The following DOCK1 variants were observed in gnomAD, a reference collection of about 807,000 sequenced individuals.
DOCK1 encodes the protein dedicator of cytokinesis protein 1.
DOCK1 carries 138 observed loss-of-function variants against 262.7 expected under a neutral mutation model. That is an observed-to-expected ratio of 0.53 (90% CI 0.46 to 0.61). DOCK1 has a LOEUF of 0.61. DOCK1 is among the 20% of genes least tolerant of loss of function. The pLI is 0.00. For missense variants in DOCK1, 1,908 were observed against 2,370.7 expected (o/e 0.80, Z 4.05); for synonymous variants, 866 against 867.4 (o/e 1.00, Z 0.03).
At chr10:127,261,350 C>T (rs1349508659) in intron 29 of DOCK1, among the ~76,000 whole-genome samples, 5 of 85,658 alleles carry the variant, frequency 5.8e-5, no homozygotes, top group African/African-American at 2.0e-4. Flanking sequence ...TGTGTGTACC[C>T]GTGCTCATCT....
chr10:127,405,015 T>C (rs2067438185), intron 40 of DOCK1, among the ~76,000 whole-genome samples: 1 of 152,232 alleles, frequency 6.6e-6, no homozygotes, highest in African/African-American at 2.4e-5. Context: ...GGTTGTAGCA[T>C]GTGTCAGAAC....
chr10:127,019,733 A>AT (rs1461128112), intron 13 of DOCK1, among the ~76,000 whole-genome samples: 2 of 152,198 alleles, frequency 1.3e-5, no homozygotes, highest in Non-Finnish European at 2.9e-5. Flanking sequence ...TGGGCGACAG[A>AT]TTGAGACCCT....
intron 27 of DOCK1, among the ~76,000 whole-genome samples, chr10:127,196,888 C>T (rs983571979): frequency 1.3e-5 from 2 of 151,466 alleles, no homozygotes; most frequent in Non-Finnish European, 2.9e-5. Context: ...GAGCAGCTGG[C>T]GGGCGGGGGA....
chr10:127,449,738 A>G (rs1449092727), intron 51 of DOCK1, among the ~76,000 whole-genome samples: 2 of 152,170 alleles, frequency 1.3e-5, no homozygotes, highest in Admixed American at 6.5e-5. Context: ...TCCATCTGCC[A>G]TGATGGGGGT....
At chr10:127,069,415 T>A (rs1316154386) in intron 23 of DOCK1, among the ~76,000 whole-genome samples, 1 of 152,180 alleles carries the variant, frequency 6.6e-6, no homozygotes, top group African/African-American at 2.4e-5. Context: ...AATGAGATGT[T>A]GGCACCGTCA....
At chr10:127,331,484 G>T (rs1183802350) in intron 29 of DOCK1, among the ~76,000 whole-genome samples, 1 of 152,118 alleles carries the variant, frequency 6.6e-6, no homozygotes, top group East Asian at 1.9e-4. Context: ...GTTTCACCAT[G>T]TTGGCCAGAT....
At chr10:127,375,150 C>T (rs1010903765) in intron 35 of DOCK1, among the ~76,000 whole-genome samples, 13 of 152,222 alleles carry the variant, frequency 8.5e-5, no homozygotes, top group African/African-American at 3.1e-4. Flanking sequence ...TCCATTAGTA[C>T]CAATGAGCTT....
At chr10:127,293,768 G>C (rs1000351380) in intron 29 of DOCK1, among the ~76,000 whole-genome samples, 1 of 152,192 alleles carries the variant, frequency 6.6e-6, no homozygotes, top group African/African-American at 2.4e-5. Flanking sequence ...ACGTGTTGGT[G>C]GCACCCACTG....
At chr10:127,323,496 G>T (rs955565827) in intron 29 of DOCK1, among the ~76,000 whole-genome samples, 1 of 152,282 alleles carries the variant, frequency 6.6e-6, no homozygotes, top group Non-Finnish European at 1.5e-5. Context: ...GCCAAAGGTC[G>T]TTATCCACAA....
At chr10:127,426,072 A>G (rs2068794670) in intron 47 of DOCK1, 61 bp downstream of exon 47, 4 of 1,606,760 alleles carry the variant, frequency 2.5e-6, no homozygotes, top group Non-Finnish European at 3.4e-6. Context: ...CCACTGTTGA[A>G]CAGGGACAAG....
chr10:127,288,420 T>C (rs1366952355), intron 29 of DOCK1, among the ~76,000 whole-genome samples: 2 of 152,172 alleles, frequency 1.3e-5, no homozygotes, highest in Non-Finnish European at 2.9e-5. Context: ...TCACTGCAAC[T>C]GAGTTACTCA....
At chr10:126,941,531 C>G (rs1028798055) in intron 1 of DOCK1, among the ~76,000 whole-genome samples, 1 of 152,098 alleles carries the variant, frequency 6.6e-6, no homozygotes, top group Non-Finnish European at 1.5e-5. Context: ...CCAAGGCGGG[C>G]GGATCACGAG....
In DOCK1 at chr10:127,012,647, C is replaced by T. The variant is rs1243019457; in HGVS notation, c.1201+273C>T. ...TTTAGAGGAACATGCAGGCGGTAGGCGTAACTCCCTCTGCCCGTGTTGTGT... is the reference window on the plus strand; with the variant it reads ...TTTAGAGGAACATGCAGGCGGTAGGTGTAACTCCCTCTGCCCGTGTTGTGT... On this transcript the variant is annotated intron_variant, in intron 12 of 51. Transcript: ENST00000623213. The surrounding 1 kb of genome is among the most constrained non-coding windows in gnomAD (Gnocchi z 4.0). Among the ~76,000 whole-genome samples the T allele has an allele frequency of 3.9e-5, 6 of 152,126 alleles. No homozygotes were observed. Among genetic ancestry groups the T allele is most frequent in the Admixed American group, 2.0e-4 (3 of 15,272 alleles).
chr10:127,297,632 C>T (rs1201675010), intron 29 of DOCK1, among the ~76,000 whole-genome samples: 1 of 152,182 alleles, frequency 6.6e-6, no homozygotes, highest in Non-Finnish European at 1.5e-5. Context: ...AAGCACCTCT[C>T]AATCATGCTA....
intron 23 of DOCK1, among the ~76,000 whole-genome samples, chr10:127,088,478 ATG>A (rs1482166029): frequency 1.3e-5 from 2 of 152,152 alleles, no homozygotes; most frequent in Admixed American, 6.5e-5. Context: ...TCCTGGATAT[ATG>A]TCTCTGAACT....
rs116635638 is a variant in DOCK1, at chr10:127,028,389, C to T, written c.1624+1965C>T. 5.3e-5 allele frequency among the ~76,000 whole-genome samples: 8 copies of T among 152,238 alleles called. No homozygotes were observed. The South Asian group carries it at 1.0e-3, about 20-fold the overall frequency. On this transcript the variant is annotated intron_variant, in intron 16 of 51. Transcript: ENST00000623213. ...GTTCACTATGCTCTTATCATGTGCC[C>T]GACACAAGAAGTTTATTGTGTTATT...
At chr10:127,331,621 C>T (rs898015751) in intron 29 of DOCK1, among the ~76,000 whole-genome samples, 2 of 152,112 alleles carry the variant, frequency 1.3e-5, no homozygotes, top group Admixed American at 6.5e-5. Context: ...TCCCTTTGGC[C>T]AAGAAGGAGT....
At chr10:127,066,574 C>T (rs2045889206) in intron 23 of DOCK1, among the ~76,000 whole-genome samples, 1 of 152,104 alleles carries the variant, frequency 6.6e-6, no homozygotes. Flanking sequence ...AGCCTTTTTC[C>T]CTCGTGGAGA....
intron 31 of DOCK1, among the ~76,000 whole-genome samples, chr10:127,352,510 T>C (rs1310802228): frequency 2.6e-5 from 4 of 152,148 alleles, no homozygotes; most frequent in Non-Finnish European, 5.9e-5. Flanking sequence ...ATCATTATCA[T>C]TCTAATCATT....
Sources: gnomAD v4.1 joint callset for allele counts (sites outside exome capture counted in the v4.1 genomes callset) on GRCh38, gnomAD v4.1.1 for gene constraint, Gnocchi (gnomAD v3.1) non-coding constraint, MANE v1.5 for transcripts, NCBI Gene and HGNC (gene_info 2026-07-23, HGNC 2026-07-21) for gene names.